Variants in POU2F1 observed in about 807,000 individuals in gnomAD.
The protein encoded by POU2F1 is POU domain, class 2, transcription factor 1.
In POU2F1, 16 loss-of-function variants were observed where a neutral mutation model predicts 84.9. That is an observed-to-expected ratio of 0.19 (90% CI 0.13 to 0.29). POU2F1 has a LOEUF of 0.29. POU2F1 is among the 10% of genes least tolerant of loss of function. POU2F1 has a pLI of 1.00. For synonymous variants in POU2F1, 368 were observed against 368.3 expected (o/e 1.00, Z 0.01); for missense variants, 738 against 942.6 (o/e 0.78, Z 2.84).
At chr1:167,270,195 C>A (rs1254808008) in intron 1 of POU2F1, among the ~76,000 whole-genome samples, 1 of 151,522 alleles carries the variant, frequency 6.6e-6, no homozygotes, top group Admixed American at 6.6e-5. Flanking sequence ...ATTTTTTTCC[C>A]CATATGTTCT....
At position 167,427,062 on chromosome 1, in the gene POU2F1, T is replaced by G. The variant is rs1301692828; in HGVS notation, c.*11252T>G. On this transcript the variant is annotated 3_prime_UTR_variant, in exon 16 of 16. Coordinates refer to ENST00000367866, the MANE Select transcript of POU2F1 (RefSeq NM_002697.4). ...ACAGGCAACTTTACATTTTGGGGAA[T>G]TAGCTGATGCCTCCTGAAGCCTGAG... The G allele has an allele frequency of 6.6e-6, 1 of 152,206 alleles. No homozygotes were observed. The allele number at this position is 152,206 out of a possible 1,614,324, so 9.4% of individuals were successfully genotyped here.
At chr1:167,326,450 G>A (rs1256187566) in intron 1 of POU2F1, among the ~76,000 whole-genome samples, 3 of 152,192 alleles carry the variant, frequency 2.0e-5, no homozygotes, top group Non-Finnish European at 4.4e-5. Context: ...GGGGAGTACA[G>A]GCAAGAGACG....
intron 1 of POU2F1, among the ~76,000 whole-genome samples, chr1:167,260,620 A>G (rs1466890433): frequency 1.3e-5 from 2 of 152,174 alleles, no homozygotes; most frequent in African/African-American, 4.8e-5. Context: ...CTCTTTCCTC[A>G]GCTTTCCTGC....
At chr1:167,235,488 C>T (rs757199114) in intron 1 of POU2F1, among the ~76,000 whole-genome samples, 21 of 152,146 alleles carry the variant, frequency 1.4e-4, no homozygotes, top group Admixed American at 4.6e-4. Context: ...AAGCCATTGC[C>T]GGCTTATGCT....
In POU2F1 at chr1:167,284,631, C is replaced by A. The variant is rs528153598; in HGVS notation, c.62-47839C>A. ...ATACTGGTATAACTATGATTTGATA[C>A]ATTTTAATATAGGCAGTGTCAACAT... On this transcript the variant is annotated intron_variant, in intron 1 of 15. Transcript: ENST00000367866. Among the ~76,000 whole-genome samples the A allele has an allele frequency of 2.5e-4, 38 of 152,264 alleles. No homozygotes were observed. In the South Asian group the frequency reaches 3.7e-3, roughly 15 times the overall value.
rs181542303 is a variant in POU2F1 at position 167,319,618 on chromosome 1, A to G, written c.62-12852A>G. 4.2e-3 allele frequency among the ~76,000 whole-genome samples: 636 copies of G among 152,032 alleles called. 10 individuals carry two copies. The highest frequency in any genetic ancestry group is 0.015 in the African/African-American group (616 of 41,480). ...GAGCTTGGCTAGTATAGCCTGGGGC[A>G]TTGTCCCTTTTAATAGAAACTGGAA... On this transcript the variant is annotated intron_variant, in intron 1 of 15. Coordinates refer to ENST00000367866, the MANE Select transcript of POU2F1 (RefSeq NM_002697.4).
rs141210526 is a variant in POU2F1 at position 167,393,048 on chromosome 1, A to G, written c.988-3238A>G. On this transcript the variant is annotated intron_variant, in intron 9 of 15. Transcript: ENST00000367866. ...ACCATGGCTGTCTTTGCATAATTAG[A>G]AAACATGTCATAGCATAATACATTT... Among the ~76,000 whole-genome samples, 889 of 152,364 alleles carry G rather than the reference A, an allele frequency of 5.8e-3. 5 individuals are homozygous for G. Among genetic ancestry groups the G allele is most frequent in the African/African-American group, 0.02 (834 of 41,586 alleles).
At chr1:167,411,015 T>C (rs1467824687) in intron 13 of POU2F1, among the ~76,000 whole-genome samples, 5 of 152,098 alleles carry the variant, frequency 3.3e-5, no homozygotes, top group African/African-American at 1.2e-4. Context: ...TTCAGGCACT[T>C]TTTTCTAAGA....
chr1:167,327,073 A>T (rs1450049963), intron 1 of POU2F1, among the ~76,000 whole-genome samples: 2 of 152,176 alleles, frequency 1.3e-5, no homozygotes, highest in Non-Finnish European at 2.9e-5. Context: ...AACATATTCT[A>T]CCTTAAAAAC....
intron 8 of POU2F1, among the ~76,000 whole-genome samples, chr1:167,387,495 A>T (rs1290142899): frequency 6.6e-6 from 1 of 152,194 alleles, no homozygotes. Flanking sequence ...TTGAAACAGG[A>T]TAAGAGAGGA....
At chr1:167,221,529 A>C (rs1375735660) in intron 1 of POU2F1, among the ~76,000 whole-genome samples, 2 of 147,446 alleles carry the variant, frequency 1.4e-5, no homozygotes, top group Non-Finnish European at 3.0e-5. Flanking sequence ...GGACACCCGC[A>C]CGCGTCTTCC....
At chr1:167,272,423 T>C (rs1652439790) in intron 1 of POU2F1, among the ~76,000 whole-genome samples, 1 of 151,394 alleles carries the variant, frequency 6.6e-6, no homozygotes, top group African/African-American at 2.4e-5. Flanking sequence ...CAGAACTGTA[T>C]TAGTCAGTTC....
chr1:167,261,012 A>G (rs1235418010), intron 1 of POU2F1, among the ~76,000 whole-genome samples: 3 of 152,220 alleles, frequency 2.0e-5, no homozygotes, highest in Admixed American at 2.0e-4. Flanking sequence ...TTATGAACCC[A>G]TGCCAGCTAG....
chr1:167,327,441 G>A (rs998425412), intron 1 of POU2F1, among the ~76,000 whole-genome samples: 10 of 152,180 alleles, frequency 6.6e-5, no homozygotes, highest in Admixed American at 5.2e-4. Context: ...CAGAAAAACT[G>A]GTAATGCAGA....
chr1:167,344,472 T>C (rs559375277), intron 2 of POU2F1, among the ~76,000 whole-genome samples: 16 of 152,336 alleles, frequency 1.1e-4, no homozygotes, highest in Non-Finnish European at 2.1e-4. Flanking sequence ...GCAACTCTTT[T>C]CATGGAAGCT....
chr1:167,258,936 C>G (rs1366284423), intron 1 of POU2F1, among the ~76,000 whole-genome samples: 1 of 152,126 alleles, frequency 6.6e-6, no homozygotes, highest in Non-Finnish European at 1.5e-5. Context: ...GGCTTGTGGA[C>G]CATATAAAAA....
At chr1:167,413,279 A>T (rs185779062) in intron 15 of POU2F1, among the ~76,000 whole-genome samples, 165 bp downstream of exon 15, 1 of 152,322 alleles carries the variant, frequency 6.6e-6, no homozygotes, top group Admixed American at 6.5e-5. Flanking sequence ...TTGAGAACTA[A>T]GAAAATGTCC....
chr1:167,312,073 T>TA (rs1655522266), intron 1 of POU2F1, among the ~76,000 whole-genome samples: 1 of 152,028 alleles, frequency 6.6e-6, no homozygotes, highest in African/African-American at 2.4e-5. Flanking sequence ...TAACTGGAAT[T>TA]ACAGGCATGC....
chr1:167,249,406 AG>A (rs1431359171), intron 1 of POU2F1, among the ~76,000 whole-genome samples: 2 of 152,190 alleles, frequency 1.3e-5, no homozygotes, highest in Non-Finnish European at 2.9e-5. Context: ...TAGGCAGTGT[AG>A]GGTTATGCCT....
Sources: allele counts gnomAD v4.1 joint callset (sites outside exome capture counted in the v4.1 genomes callset), GRCh38; gene constraint gnomAD v4.1.1; transcripts MANE v1.5; gene names NCBI Gene and HGNC (gene_info 2026-07-23, HGNC 2026-07-21).